PRH1: variants seen among roughly 807,000 people sequenced by gnomAD.
PRH1 encodes proline rich protein HaeIII subfamily 1.
In PRH1, 7 loss-of-function variants were observed where a neutral mutation model predicts 7.9. That is an observed-to-expected ratio of 0.89 (90% CI 0.50 to 1.67). The LOEUF (loss-of-function observed/expected upper bound fraction) is 1.67, where lower values mean the gene tolerates loss of function less well. Ranked by LOEUF, PRH1 falls within the 40% of genes most tolerant of loss-of-function variation. PRH1 has a pLI of 0.00. For synonymous variants in PRH1, 45 were observed against 80.8 expected, an observed-to-expected ratio of 0.56 and a Z score of 2.38; for missense variants, 109 against 223.6, an observed-to-expected ratio of 0.49 and a Z score of 3.27.
chr12:11,057,723 T>C (rs1943424094), intron 1 of PRH1, among the ~76,000 whole-genome samples: 2 of 152,212 alleles, frequency 1.3e-5, no homozygotes, highest in Non-Finnish European at 2.9e-5. Context: ...ACAAATGCTT[T>C]CTAGGATGTA....
upstream of PRH1, among the ~76,000 whole-genome samples, chr12:11,047,569 C>T (rs1942951800): frequency 6.6e-6 from 1 of 151,896 alleles, no homozygotes; most frequent in Non-Finnish European, 1.5e-5. Flanking sequence ...ACTTTTCTAA[C>T]TACACATTAA....
At chr12:10,983,720 G>A (rs1243515655) in intron 1 of PRH1, among the ~76,000 whole-genome samples, 2 of 152,216 alleles carry the variant, frequency 1.3e-5, no homozygotes, top group African/African-American at 2.4e-5. Context: ...TTCTGGAAAA[G>A]TACTGGGAGT....
chr12:11,161,272 T>C (rs1335314152), intron 1 of PRH1, among the ~76,000 whole-genome samples: 1 of 152,172 alleles, frequency 6.6e-6, no homozygotes. Flanking sequence ...AAGAACAAAA[T>C]TAAATCATAT....
intron 2 of PRH1, among the ~76,000 whole-genome samples, chr12:10,914,428 A>G (rs894925604): frequency 1.3e-5 from 2 of 152,238 alleles, no homozygotes; most frequent in Admixed American, 6.5e-5. Context: ...GGAAGATTAC[A>G]TAATTGTTTT....
At chr12:11,103,167 T>G (rs2136287066) in intron 1 of PRH1, among the ~76,000 whole-genome samples, 1 of 152,258 alleles carries the variant, frequency 6.6e-6, no homozygotes, top group South Asian at 2.1e-4. Context: ...GAAATGCCAT[T>G]TGACCCAGCC....
intron 2 of PRH1, among the ~76,000 whole-genome samples, chr12:10,929,553 C>G (rs961206474): frequency 1.3e-5 from 2 of 151,860 alleles, no homozygotes; most frequent in African/African-American, 4.8e-5. Flanking sequence ...GAATTTGTAC[C>G]GGGGGAGTGA....
chr12:11,003,608 C>A (rs954855312), intron 1 of PRH1, among the ~76,000 whole-genome samples: 1 of 151,424 alleles, frequency 6.6e-6, no homozygotes. Flanking sequence ...AATAAAATTT[C>A]TTTTATGAGA....
intron 1 of PRH1, chr12:11,133,325 C>G (rs2597924): frequency 2.8e-4 from 435 of 1,579,270 alleles, no homozygotes; most frequent in Non-Finnish European, 3.5e-4. Context: ...TCTATGGAGA[C>G]GAAGGCTTCT....
At chr12:11,066,223 A>C (rs1281345337) in intron 1 of PRH1, among the ~76,000 whole-genome samples, 2 of 148,884 alleles carry the variant, frequency 1.3e-5, no homozygotes, top group Non-Finnish European at 3.0e-5. Context: ...ATAGAACTAT[A>C]ACTTTCGAAC....
chr12:11,080,472 C>T (rs574120445), intron 1 of PRH1, among the ~76,000 whole-genome samples: 1 of 116,588 alleles, frequency 8.6e-6, no homozygotes, highest in South Asian at 2.3e-4. Context: ...AATTCTTATG[C>T]ATATATATAC....
chr12:11,017,467 T>G (rs1254310518), intron 1 of PRH1, among the ~76,000 whole-genome samples: 1 of 146,968 alleles, frequency 6.8e-6, no homozygotes, highest in African/African-American at 2.5e-5. Context: ...GTCCACATGT[T>G]GAAAAATCAA....
intron 1 of PRH1, among the ~76,000 whole-genome samples, chr12:11,112,228 A>T (rs1021431383): frequency 6.6e-6 from 1 of 152,182 alleles, no homozygotes; most frequent in African/African-American, 2.4e-5. Context: ...AGAGGTACAA[A>T]GAGGAGATGG....
chr12:10,950,809 T>C (rs1950559104), intron 2 of PRH1, among the ~76,000 whole-genome samples: 1 of 151,996 alleles, frequency 6.6e-6, no homozygotes, highest in African/African-American at 2.4e-5. Context: ...ATACATTTAA[T>C]ATAGGCATCA....
chr12:10,984,299 GCTAT>G (rs1328710134), intron 1 of PRH1, among the ~76,000 whole-genome samples: 1 of 152,052 alleles, frequency 6.6e-6, no homozygotes, highest in African/African-American at 2.4e-5. Context: ...CTTCATCAGG[GCTAT>G]CTTAGAGTGG....
intron 2 of PRH1, among the ~76,000 whole-genome samples, chr12:10,917,501 C>T (rs1949989006): frequency 6.6e-6 from 1 of 152,100 alleles, no homozygotes; most frequent in Admixed American, 6.5e-5. Context: ...TCAAATGATT[C>T]AGCTGGCAAT....
chr12:10,957,886 G>C (rs185410227), intron 2 of PRH1, among the ~76,000 whole-genome samples: 5 of 152,164 alleles, frequency 3.3e-5, no homozygotes, highest in African/African-American at 1.2e-4. Flanking sequence ...AGTCAGAATA[G>C]CTATTACTAA....
intron 1 of PRH1, among the ~76,000 whole-genome samples, chr12:11,157,036 T>C (rs901395851): frequency 2.0e-5 from 3 of 151,816 alleles, no homozygotes; most frequent in Non-Finnish European, 2.9e-5. Flanking sequence ...TTAGTAGAGA[T>C]GGGGTTTCAC....
intron 2 of PRH1, among the ~76,000 whole-genome samples, chr12:10,948,034 G>A (rs1274913746): frequency 2.0e-5 from 3 of 152,090 alleles, no homozygotes; most frequent in Non-Finnish European, 2.9e-5. Context: ...TACGTGACCT[G>A]CCCTTTCTCT....
intron 1 of PRH1, among the ~76,000 whole-genome samples, chr12:11,030,186 C>T (rs78343228): frequency 5.0e-3 from 80 of 16,110 alleles, no homozygotes; most frequent in East Asian, 0.036. Context: ...CAGAAAAGAG[C>T]ATGTTATTGT....
Sources: gnomAD v4.1 joint callset for allele counts (sites outside exome capture counted in the v4.1 genomes callset) on GRCh38, gnomAD v4.1.1 for gene constraint, MANE v1.5 for transcripts, NCBI Gene and HGNC (gene_info 2026-07-23, HGNC 2026-07-21) for gene names.